Variants in RIT2 observed in about 807,000 individuals in gnomAD.
The protein encoded by RIT2 is GTP-binding protein Rit2.
Under a neutral mutation model 23.7 loss-of-function variants are expected in RIT2, and 24 were observed. The ratio of observed to expected loss-of-function variants is 1.01; its 90% confidence interval spans 0.73 to 1.43. The LOEUF (loss-of-function observed/expected upper bound fraction) is 1.43. Ranked by LOEUF, RIT2 falls within the 40% of genes most tolerant of loss-of-function variation. The probability of loss-of-function intolerance (pLI) is 0.00; values close to 1 mark genes in which losing one functional copy is unlikely to be tolerated. For missense variants in RIT2, 236 were observed against 266.9 expected (o/e 0.88, Z 0.81); for synonymous variants, 107 against 91.1 (o/e 1.17, Z -0.99).
At chr18:43,099,918 C>T (rs1168648202) in intron 1 of RIT2, among the ~76,000 whole-genome samples, 1 of 152,120 alleles carries the variant, frequency 6.6e-6, no homozygotes, top group Non-Finnish European at 1.5e-5. Context: ...AATCTCACAA[C>T]CCACTGGCAA....
chr18:42,787,063 A>G (rs1315890867), intron 4 of RIT2, among the ~76,000 whole-genome samples: 2 of 152,086 alleles, frequency 1.3e-5, no homozygotes, highest in Non-Finnish European at 2.9e-5. Flanking sequence ...TTCCTTACAG[A>G]AACTCTATTA....
intron 1 of RIT2, among the ~76,000 whole-genome samples, chr18:43,073,213 T>C (rs1912937353): frequency 2.0e-5 from 3 of 152,180 alleles, no homozygotes; most frequent in Admixed American, 2.0e-4. Context: ...CATCATCTCA[T>C]TGGTTAGCAT....
At chr18:42,994,389 C>G (rs1435182197) in intron 2 of RIT2, among the ~76,000 whole-genome samples, 3 of 152,170 alleles carry the variant, frequency 2.0e-5, no homozygotes, top group Non-Finnish European at 4.4e-5. Context: ...ACCCCTTCTA[C>G]AAAACAACAA....
At chr18:42,891,118 A>G (rs1002102249) in intron 4 of RIT2, among the ~76,000 whole-genome samples, 4 of 152,290 alleles carry the variant, frequency 2.6e-5, no homozygotes, top group African/African-American at 9.6e-5. Flanking sequence ...CTGTTTGTTG[A>G]AATCCAGAAT....
At chr18:42,904,338 C>T (rs1218829647) in intron 4 of RIT2, among the ~76,000 whole-genome samples, 1 of 152,142 alleles carries the variant, frequency 6.6e-6, no homozygotes, top group Non-Finnish European at 1.5e-5. Context: ...AGCAATGAGT[C>T]AGGACAGATG....
At chr18:42,980,698 A>T (rs957482175) in intron 2 of RIT2, among the ~76,000 whole-genome samples, 1 of 152,080 alleles carries the variant, frequency 6.6e-6, no homozygotes, top group African/African-American at 2.4e-5. Context: ...AGAAAACCCA[A>T]TGAGGAAGGG....
chr18:42,994,925 C>T (rs1910944370), intron 2 of RIT2, among the ~76,000 whole-genome samples: 1 of 152,066 alleles, frequency 6.6e-6, no homozygotes. Flanking sequence ...TACCATTGTT[C>T]CTGGCCCGGA....
chr18:43,105,100 C>CTGTGTGTG (rs756311809), intron 1 of RIT2, among the ~76,000 whole-genome samples: 2,261 of 143,012 alleles, frequency 0.016, 56 homozygotes, highest in African/African-American at 0.055. Context: ...AGGCAGTGTG[C>CTGTGTGTG]TGTGTGTGTG....
At chr18:43,005,288 A>G (rs1911200596) in intron 2 of RIT2, among the ~76,000 whole-genome samples, 1 of 151,864 alleles carries the variant, frequency 6.6e-6, no homozygotes, top group South Asian at 2.1e-4. Context: ...ATTTACAAAA[A>G]TAAACACTGG....
At chr18:43,059,349 G>A (rs1912586679) in intron 1 of RIT2, among the ~76,000 whole-genome samples, 1 of 152,126 alleles carries the variant, frequency 6.6e-6, no homozygotes, top group South Asian at 2.1e-4. Flanking sequence ...TAAGGTAGAA[G>A]CAGACTTCAT....
chr18:42,901,319 G>A (rs988565542), intron 4 of RIT2, among the ~76,000 whole-genome samples: 14 of 151,908 alleles, frequency 9.2e-5, no homozygotes, highest in Admixed American at 5.3e-4. Context: ...CTGAACTAGC[G>A]ATGATTTTAT....
intron 4 of RIT2, among the ~76,000 whole-genome samples, chr18:42,889,361 T>A (rs1908111800): frequency 6.6e-6 from 1 of 152,048 alleles, no homozygotes; most frequent in Admixed American, 6.6e-5. Flanking sequence ...CTTTACCACA[T>A]GCTAAACTTT....
intron 4 of RIT2, among the ~76,000 whole-genome samples, chr18:42,829,778 A>G (rs1325964466): frequency 6.6e-6 from 1 of 152,202 alleles, no homozygotes; most frequent in Non-Finnish European, 1.5e-5. Context: ...TAAAAATAAA[A>G]TAAATAAGAG....
intron 4 of RIT2, among the ~76,000 whole-genome samples, chr18:42,877,210 G>T (rs567119245): frequency 1.4e-4 from 22 of 151,752 alleles, no homozygotes; most frequent in African/African-American, 5.3e-4. Flanking sequence ...TATGGTTAGG[G>T]TATATATTAT....
chr18:43,100,413 A>G (rs1312273641), intron 1 of RIT2, among the ~76,000 whole-genome samples: 1 of 152,164 alleles, frequency 6.6e-6, no homozygotes, highest in Non-Finnish European at 1.5e-5. Flanking sequence ...CACAGAAGTG[A>G]CATTGGCTGT....
intron 4 of RIT2, among the ~76,000 whole-genome samples, chr18:42,919,932 G>T (rs1269654719): frequency 6.6e-6 from 1 of 152,092 alleles, no homozygotes; most frequent in Non-Finnish European, 1.5e-5. Context: ...AGGACCTAAT[G>T]TTGTTCAGGA....
At chr18:43,010,484 A>T (rs1490125760) in intron 2 of RIT2, among the ~76,000 whole-genome samples, 1 of 151,840 alleles carries the variant, frequency 6.6e-6, no homozygotes, top group Non-Finnish European at 1.5e-5. Context: ...TTTTCAATTC[A>T]TGCATAATCT....
intron 4 of RIT2, among the ~76,000 whole-genome samples, chr18:42,906,625 C>T (rs547236437): frequency 2.0e-4 from 30 of 152,268 alleles, no homozygotes; most frequent in African/African-American, 7.2e-4. Flanking sequence ...TTCTGTCCTG[C>T]TGTTCCTAAT....
intron 3 of RIT2, among the ~76,000 whole-genome samples, chr18:42,954,304 G>T (rs1909920231): frequency 6.7e-6 from 1 of 149,356 alleles, no homozygotes; most frequent in Non-Finnish European, 1.5e-5. Flanking sequence ...TTGAACCTGG[G>T]AGACAGAGGT....
Sources: allele counts gnomAD v4.1 joint callset (sites outside exome capture counted in the v4.1 genomes callset), GRCh38; gene constraint gnomAD v4.1.1; transcripts MANE v1.5; gene names NCBI Gene and HGNC (gene_info 2026-07-23, HGNC 2026-07-21).